PTPRD: variants seen among roughly 807,000 people sequenced by gnomAD.
The protein encoded by PTPRD is protein tyrosine phosphatase receptor type D.
A neutral mutation model predicts 214.5 loss-of-function variants in PTPRD; 34 were observed. The observed-to-expected ratio is 0.16, with a 90% CI of 0.12 to 0.21. PTPRD has a LOEUF of 0.21. PTPRD is among the 10% of genes least tolerant of loss of function. The probability of loss-of-function intolerance (pLI) is 1.00; values close to 1 mark genes in which losing one functional copy is unlikely to be tolerated. For missense variants in PTPRD, 2,545 were observed against 2,398.7 expected (o/e 1.06, Z -1.27); for synonymous variants, 1,128 against 845.7 (o/e 1.33, Z -5.79).
At chr9:9,892,662 TG>T (rs928177665) in intron 5 of PTPRD, among the ~76,000 whole-genome samples, 5 of 151,848 alleles carry the variant, frequency 3.3e-5, no homozygotes, top group Non-Finnish European at 7.4e-5. Flanking sequence ...TAAAATCTGC[TG>T]GTCAAAGACA....
At chr9:10,464,917 A>C (rs10959114) in intron 2 of PTPRD, among the ~76,000 whole-genome samples, 18,688 of 152,190 alleles carry the variant, frequency 0.12, 1,625 homozygotes, top group African/African-American at 0.24. Context: ...ATAGCCTAAA[A>C]CTAACATTAC....
At chr9:10,315,931 T>C (rs1166587547) in intron 3 of PTPRD, among the ~76,000 whole-genome samples, 1 of 151,904 alleles carries the variant, frequency 6.6e-6, no homozygotes, top group African/African-American at 2.4e-5. Flanking sequence ...AATGATTTTC[T>C]CTAGGTTTAT....
At chr9:9,458,303 A>G (rs2093288992) in intron 8 of PTPRD, among the ~76,000 whole-genome samples, 1 of 152,090 alleles carries the variant, frequency 6.6e-6, no homozygotes, top group South Asian at 2.1e-4. Context: ...TAAAGAAAAT[A>G]AAAATGTTTC....
chr9:9,221,246 G>C (rs1429999149), intron 9 of PTPRD, among the ~76,000 whole-genome samples: 1 of 152,080 alleles, frequency 6.6e-6, no homozygotes, highest in Non-Finnish European at 1.5e-5. Context: ...TTCTTGCTCA[G>C]CCAATCAATG....
At chr9:8,486,536 T>C in intron 27 of PTPRD, 187 bp from the exon 28 acceptor site, 1 of 710,390 alleles carries the variant, frequency 1.4e-6, no homozygotes, top group Non-Finnish European at 2.6e-6. Context: ...TTTATTAAAG[T>C]AGGCTGAGAT....
intron 35 of PTPRD, 81 bp from the exon 36 acceptor site, chr9:8,404,741 C>T (rs2092794964): frequency 1.4e-6 from 2 of 1,461,764 alleles, no homozygotes; most frequent in Non-Finnish European, 1.8e-6. Context: ...ATGTAATAAA[C>T]ATGATTTAAA....
chr9:9,668,486 A>G (rs2154384786), intron 7 of PTPRD, among the ~76,000 whole-genome samples: 1 of 152,268 alleles, frequency 6.6e-6, no homozygotes, highest in South Asian at 2.1e-4. Flanking sequence ...CCTTTTTAGT[A>G]CATTGTTGAT....
At chr9:10,493,993 T>A (rs1020297048) in intron 2 of PTPRD, among the ~76,000 whole-genome samples, 2 of 151,978 alleles carry the variant, frequency 1.3e-5, no homozygotes, top group African/African-American at 2.4e-5. Context: ...AATCTTTATG[T>A]TTCTTATCTT....
intron 35 of PTPRD, among the ~76,000 whole-genome samples, chr9:8,424,615 G>T (rs1246861495): frequency 1.3e-5 from 2 of 151,922 alleles, no homozygotes; most frequent in African/African-American, 4.8e-5. Flanking sequence ...ATTAAAATGT[G>T]CAGTTTAATA....
At chr9:9,884,462 A>C (rs140693693) in intron 5 of PTPRD, among the ~76,000 whole-genome samples, 1 of 152,146 alleles carries the variant, frequency 6.6e-6, no homozygotes, top group Admixed American at 6.6e-5. Flanking sequence ...CTCATTGTTT[A>C]CAAACATTTA....
At position 8,891,501 on chromosome 9, in the gene PTPRD, A is replaced by C. The variant is rs2098539979; in HGVS notation, c.-104+127196T>G. On this transcript the variant is annotated intron_variant, in intron 11 of 45. Coordinates refer to ENST00000381196, the MANE Select transcript of PTPRD (RefSeq NM_002839.4). The stretch of plus-strand genomic sequence containing the variant: ...CGTGGAAAAGAGTGATCTTTAAAAA[A>C]CAATGCTAATACATTAAAGAGCCAT... Among the ~76,000 whole-genome samples, 3 of 151,938 alleles carry C rather than the reference A, an allele frequency of 2.0e-5. 1 individual carries two copies. The highest frequency in any genetic ancestry group is 2.0e-4 in the Admixed American group (3 of 15,250).
intron 7 of PTPRD, among the ~76,000 whole-genome samples, chr9:9,684,678 A>G (rs1245954784): frequency 6.6e-6 from 1 of 150,666 alleles, no homozygotes. Flanking sequence ...TTTTATAAGC[A>G]TTGAAATACA....
rs552116649 is a variant in PTPRD at position 10,586,722 on chromosome 9, T to C, written c.-600+25676A>G. ...TACTATCTAGAAAAGTGTAAGTTAC[T>C]GTCAATCCTGAAATGATTCTTCAAA... On this transcript the variant is annotated intron_variant, in intron 2 of 45. Transcript: ENST00000381196. Among the ~76,000 whole-genome samples the C allele has an allele frequency of 1.3e-5, 2 of 151,896 alleles. 1 individual carries two copies. Among genetic ancestry groups the C allele is most frequent in the African/African-American group, 4.8e-5 (2 of 41,404 alleles).
At chr9:9,658,225 A>C (rs537327982) in intron 7 of PTPRD, among the ~76,000 whole-genome samples, 1 of 152,232 alleles carries the variant, frequency 6.6e-6, no homozygotes, top group East Asian at 1.9e-4. Flanking sequence ...CTGATGGTAA[A>C]ATCATTCATT....
At position 9,317,924 on chromosome 9, in the gene PTPRD, C is replaced by T. The variant is rs141598896; in HGVS notation, c.-203+79525G>A. On this transcript the variant is annotated intron_variant, in intron 9 of 45. Coordinates refer to ENST00000381196, the MANE Select transcript of PTPRD (RefSeq NM_002839.4). ...CGGTGGCTCACGCCTGTAATCCCAG[C>T]ACTTTGGAAGGCCAAGACAGGCGGA... Among the ~76,000 whole-genome samples the T allele has an allele frequency of 2.7e-4, 41 of 152,184 alleles. No homozygotes were observed. In the East Asian group the frequency reaches 7.4e-3, roughly 27 times the overall value.
chr9:8,318,035 C>G, intron 45 of PTPRD, 93 bp from the exon 46 acceptor site: 2 of 1,258,232 alleles, frequency 1.6e-6, no homozygotes, highest in Non-Finnish European at 2.3e-6. Flanking sequence ...AACAAAATAA[C>G]ATCTATATAG....
At chr9:8,537,820 C>T (rs2077326621) in intron 14 of PTPRD, among the ~76,000 whole-genome samples, 1 of 151,946 alleles carries the variant, frequency 6.6e-6, no homozygotes, top group South Asian at 2.1e-4. Context: ...CTACAAATTA[C>T]AAAGTAATGT....
Position 9,947,491 on chromosome 9 carries a change from T to C in PTPRD, c.-471-8881A>G, listed in dbSNP as rs371984623. Among the ~76,000 whole-genome samples, 184 of 24,852 alleles carry C rather than the reference T, an allele frequency of 7.4e-3. 7 individuals are homozygous for C. The highest frequency in any genetic ancestry group is 0.028 in the African/African-American group (177 of 6,392). 16.3% of individuals were successfully genotyped at this position (24,852 alleles called of 152,430 possible). A position where few individuals can be genotyped will look rare whatever the true frequency, so the allele number is the denominator to read the frequency against. ...ATATATTATATATATTTTATATATA[T>C]TATATATATTTTATATATATAATAT... On this transcript the variant is annotated intron_variant, in intron 4 of 45. Coordinates refer to ENST00000381196, the MANE Select transcript of PTPRD (RefSeq NM_002839.4).
chr9:8,684,035 C>A (rs1392391197), intron 12 of PTPRD, among the ~76,000 whole-genome samples: 1 of 152,148 alleles, frequency 6.6e-6, no homozygotes, highest in Non-Finnish European at 1.5e-5. Context: ...AAGACTCCAG[C>A]TACCCACCCC....
Sources: allele counts gnomAD v4.1 joint callset (sites outside exome capture counted in the v4.1 genomes callset), GRCh38; gene constraint gnomAD v4.1.1; transcripts MANE v1.5; gene names NCBI Gene and HGNC (gene_info 2026-07-23, HGNC 2026-07-21).